Variants in IKZF2 observed in about 807,000 individuals in gnomAD.
IKZF2 encodes IKAROS family zinc finger 2, also known as zinc finger protein Helios.
IKZF2 carries 15 observed loss-of-function variants against 49.2 expected under a neutral mutation model. The observed-to-expected ratio is 0.30, with a 90% CI of 0.20 to 0.47. The LOEUF (loss-of-function observed/expected upper bound fraction) is 0.47. Among genes scored for constraint, IKZF2 ranks in the 20% least tolerant of loss-of-function variants. IKZF2 has a pLI of 1.00. For synonymous variants in IKZF2, 227 were observed against 221.4 expected (o/e 1.03, Z -0.23); for missense variants, 567 against 664.6 (o/e 0.85, Z 1.61).
At chr2:213,108,940 T>C (rs989897633) in intron 4 of IKZF2, among the ~76,000 whole-genome samples, 1 of 152,126 alleles carries the variant, frequency 6.6e-6, no homozygotes, top group Non-Finnish European at 1.5e-5. Context: ...TCTATTTATA[T>C]ATGGCACGCT....
At chr2:213,145,574 A>G (rs1487971207) in intron 4 of IKZF2, among the ~76,000 whole-genome samples, 1 of 152,072 alleles carries the variant, frequency 6.6e-6, no homozygotes, top group Non-Finnish European at 1.5e-5. Flanking sequence ...TTAATAGACG[A>G]GAGTTCCTCT....
chr2:213,129,975 G>A lies in IKZF2; in HGVS notation c.139+17733C>T, dbSNP rs536189765. On this transcript the variant is annotated intron_variant, in intron 4 of 8. Transcript: ENST00000434687. ...GTATCTAAAGAAATAAACTGAGAAAGAGAGAAGAGGACCTGTACATAAAGA... is the reference window on the plus strand; with the variant it reads ...GTATCTAAAGAAATAAACTGAGAAAAAGAGAAGAGGACCTGTACATAAAGA... 2.4e-3 allele frequency among the ~76,000 whole-genome samples: 362 copies of A among 152,320 alleles called. 5 individuals carry two copies. The highest frequency in any genetic ancestry group is 5.8e-3 in the South Asian group (28 of 4,824).
intron 4 of IKZF2, among the ~76,000 whole-genome samples, chr2:213,087,727 C>T (rs1248298360): frequency 6.6e-6 from 1 of 152,150 alleles, no homozygotes; most frequent in Admixed American, 6.5e-5. Context: ...GTTCAGTTCC[C>T]ACCTATGAGT....
intron 6 of IKZF2, among the ~76,000 whole-genome samples, chr2:213,040,071 T>C (rs1156994013): frequency 6.6e-6 from 1 of 152,148 alleles, no homozygotes; most frequent in Admixed American, 6.5e-5. Flanking sequence ...TTTTGAGCAA[T>C]ACATAATTTT....
chr2:213,089,556 AGT>A (rs1437198598), intron 4 of IKZF2, among the ~76,000 whole-genome samples: 1 of 152,202 alleles, frequency 6.6e-6, no homozygotes, highest in Non-Finnish European at 1.5e-5. Flanking sequence ...AAATATGCAA[AGT>A]GTCACAATTC....
rs895294998 is a variant in IKZF2, at chr2:213,004,468, C to T, written c.*2892G>A. The T allele has an allele frequency of 6.6e-6, 1 of 151,888 alleles. No individual in the cohort carries two copies. The highest frequency in any genetic ancestry group is 1.5e-5 in the Non-Finnish European group (1 of 67,874). 9.4% of individuals were successfully genotyped at this position (151,888 alleles called of 1,614,324 possible). ...TAGGGCAAAGCAATGTGATGAAATT[C>T]TGAACTTTTGCCAAACTGGAAAATA... On this transcript the variant is annotated 3_prime_UTR_variant, in exon 9 of 9. Transcript: ENST00000434687.
Position 213,151,598 on chromosome 2 carries a change from A to C in IKZF2, c.-305T>G, listed in dbSNP as rs1036292682. 5 of 152,408 alleles carry C rather than the reference A, an allele frequency of 3.3e-5. No individual in the cohort carries two copies. Among genetic ancestry groups the C allele is most frequent in the African/African-American group, 1.2e-4 (5 of 41,402 alleles). 9.4% of individuals were successfully genotyped at this position (152,408 alleles called of 1,614,324 possible). A position where few individuals can be genotyped will look rare whatever the true frequency, so the allele number is the denominator to read the frequency against. On this transcript the variant is annotated 5_prime_UTR_variant, in exon 1 of 9. Transcript: ENST00000434687. ...GTTTTTACTTCCTCCATCTTCAGCG[A>C]GGAGCAGGGTTAGCCCGGGACAGCT...
At chr2:213,027,173 T>C (rs1697902827) in intron 6 of IKZF2, among the ~76,000 whole-genome samples, 1 of 152,082 alleles carries the variant, frequency 6.6e-6, no homozygotes, top group South Asian at 2.1e-4. Flanking sequence ...AATCTATTGC[T>C]TCTCTGTCCT....
intron 4 of IKZF2, among the ~76,000 whole-genome samples, chr2:213,138,948 A>C (rs2060774395): frequency 6.6e-6 from 1 of 152,008 alleles, no homozygotes. Context: ...TCTAAAATAG[A>C]TATTAAGAAC....
chr2:213,035,159 AACTCACAGCATTTCTGTGAGTAT>A (rs1698875296), intron 6 of IKZF2, among the ~76,000 whole-genome samples: 1 of 152,180 alleles, frequency 6.6e-6, no homozygotes, highest in South Asian at 2.1e-4. Flanking sequence ...AGTTGTACCT[AACTCACAGCATTTCTGTGAGTAT>A]ATATTTTTTT....
intron 4 of IKZF2, among the ~76,000 whole-genome samples, chr2:213,125,662 A>G (rs1476659574): frequency 6.6e-6 from 1 of 152,220 alleles, no homozygotes; most frequent in Non-Finnish European, 1.5e-5. Flanking sequence ...GATGTAAAGA[A>G]GGTAAATGAA....
chr2:213,025,458 C>T (rs1300720959), intron 6 of IKZF2, among the ~76,000 whole-genome samples: 2 of 152,104 alleles, frequency 1.3e-5, no homozygotes, highest in Non-Finnish European at 2.9e-5. Context: ...GAACTCTGTT[C>T]GTACTCTGTT....
At chr2:213,021,710 G>A in intron 7 of IKZF2, 1 of 494,732 alleles carries the variant, frequency 2.0e-6, no homozygotes, top group Admixed American at 2.4e-5. Context: ...TGTGGAATCA[G>A]CTCTAACTAT....
At chr2:213,100,779 C>T (rs1487049466) in intron 4 of IKZF2, among the ~76,000 whole-genome samples, 7 of 151,944 alleles carry the variant, frequency 4.6e-5, no homozygotes, top group Admixed American at 2.0e-4. Context: ...GGTAGTATTT[C>T]TTTTTAAAGG....
Position 213,000,362 on chromosome 2 carries a change from T to C in IKZF2, c.*6998A>G, listed in dbSNP as rs1011729153. 4.0e-5 allele frequency: 6 copies of C among 150,762 alleles called. No homozygotes were observed. Among genetic ancestry groups the C allele is most frequent in the African/African-American group, 1.2e-4 (5 of 41,222 alleles). The allele number at this position is 150,762 out of a possible 1,614,324, so 9.3% of individuals were successfully genotyped here. On this transcript the variant is annotated 3_prime_UTR_variant, in exon 9 of 9. Coordinates refer to ENST00000434687, the MANE Select transcript of IKZF2 (RefSeq NM_001387220.1). ...GTTTGACCTATTTTTTTTTCTTTTT[T>C]TGCTTCTAAAACACAAAATACCCTA...
At chr2:213,090,212 G>A (rs897746650) in intron 4 of IKZF2, among the ~76,000 whole-genome samples, 1 of 152,182 alleles carries the variant, frequency 6.6e-6, no homozygotes, top group African/African-American at 2.4e-5. Flanking sequence ...TGGATTCCTA[G>A]AGGGTCACAG....
At chr2:213,086,571 A>T (rs1224217226) in intron 4 of IKZF2, among the ~76,000 whole-genome samples, 1 of 152,134 alleles carries the variant, frequency 6.6e-6, no homozygotes, top group African/African-American at 2.4e-5. Flanking sequence ...CTAGCCCGGA[A>T]GCTCACCTTT....
At chr2:213,037,791 C>G (rs761756997) in intron 6 of IKZF2, among the ~76,000 whole-genome samples, 68 of 152,182 alleles carry the variant, frequency 4.5e-4, no homozygotes, top group Non-Finnish European at 6.6e-4. Context: ...TCAGCCACCT[C>G]CAGGAAGGAA....
chr2:213,147,629 C>T (rs1225722392), intron 4 of IKZF2, 79 bp downstream of exon 4: 1 of 999,010 alleles, frequency 1.0e-6, no homozygotes, highest in African/African-American at 1.6e-5. Context: ...TGTGAGAGGA[C>T]CCCACAGACC....
Sources: allele counts gnomAD v4.1 joint callset (sites outside exome capture counted in the v4.1 genomes callset), GRCh38; gene constraint gnomAD v4.1.1; transcripts MANE v1.5; gene names NCBI Gene and HGNC (gene_info 2026-07-23, HGNC 2026-07-21).